The following ITGB6 variants were observed in gnomAD, a reference collection of about 807,000 sequenced individuals.
ITGB6 encodes the protein integrin subunit beta 6.
In ITGB6, 80 loss-of-function variants were observed where a neutral mutation model predicts 84.5. The observed-to-expected ratio is 0.95, with a 90% confidence interval of 0.79 to 1.14. The LOEUF (loss-of-function observed/expected upper bound fraction) is 1.14, where lower values mean the gene tolerates loss of function less well. ITGB6 is among the 50% of genes most tolerant of loss of function. The pLI, the probability that ITGB6 is intolerant of heterozygous loss-of-function variation, is 0.00. For missense variants in ITGB6, 1,006 were observed against 968.0 expected (o/e 1.04, Z -0.52); for synonymous variants, 383 against 354.9 (o/e 1.08, Z -0.89).
At chr2:160,103,416 T>G (rs970521871) in intron 14 of ITGB6, among the ~76,000 whole-genome samples, 6 of 152,166 alleles carry the variant, frequency 3.9e-5, no homozygotes, top group Non-Finnish European at 7.3e-5. Context: ...ATGCTATTTC[T>G]ATAATAAAGC....
intron 10 of ITGB6, among the ~76,000 whole-genome samples, chr2:160,127,549 C>T (rs972134336): frequency 1.3e-5 from 2 of 152,180 alleles, no homozygotes; most frequent in African/African-American, 4.8e-5. Flanking sequence ...CCCTAAAATG[C>T]ATAAAACCAA....
chr2:160,111,816 G>A, intron 13 of ITGB6, among the ~76,000 whole-genome samples: 1 of 152,016 alleles, frequency 6.6e-6, no homozygotes, highest in Non-Finnish European at 1.5e-5. Context: ...CTGACCTCAA[G>A]TGACCCACCC....
intron 4 of ITGB6, among the ~76,000 whole-genome samples, chr2:160,175,608 G>A (rs1487654523): frequency 6.6e-6 from 1 of 152,174 alleles, no homozygotes; most frequent in African/African-American, 2.4e-5. Flanking sequence ...ATGCTGAAAT[G>A]CTGTTTAGTG....
At chr2:160,141,433 C>A (rs1683995190) in intron 8 of ITGB6, among the ~76,000 whole-genome samples, 1 of 152,082 alleles carries the variant, frequency 6.6e-6, no homozygotes, top group Non-Finnish European at 1.5e-5. Flanking sequence ...TACTAATTCC[C>A]AAAGTCAAAA....
intron 7 of ITGB6, among the ~76,000 whole-genome samples, chr2:160,149,360 G>A (rs552792236): frequency 2.0e-5 from 3 of 152,106 alleles, no homozygotes; most frequent in African/African-American, 7.2e-5. Context: ...TGCAGCTGAG[G>A]GACATGACTG....
chr2:160,150,126 G>T (rs567709419), intron 7 of ITGB6, among the ~76,000 whole-genome samples: 1 of 152,236 alleles, frequency 6.6e-6, no homozygotes, highest in African/African-American at 2.4e-5. Flanking sequence ...GATACTCCTC[G>T]AGAAGGGAAA....
chr2:160,141,021 A>G (rs1335710479), intron 8 of ITGB6, among the ~76,000 whole-genome samples: 1 of 152,152 alleles, frequency 6.6e-6, no homozygotes, highest in Non-Finnish European at 1.5e-5. Flanking sequence ...GTTTTAGTTA[A>G]GGAATGCTGG....
intron 12 of ITGB6, among the ~76,000 whole-genome samples, chr2:160,119,582 A>T (rs1479127164): frequency 3.3e-5 from 5 of 152,080 alleles, no homozygotes; most frequent in Admixed American, 1.3e-4. Context: ...AACCTAGGCA[A>T]TACCATTCAG....
In ITGB6 at chr2:160,138,218, G is replaced by GAGTTC; in HGVS notation, c.1108-24_1108-20dup. ...GCAGTTCCTTTAGTTACAACATAAA[G>GAGTTC]AGTTCAGTGAAGTCACAACCCCAAA... On this transcript the variant is annotated intron_variant, in intron 8 of 14. Transcript: ENST00000283249. 6.4e-7 allele frequency: 1 copy of GAGTTC among 1,570,834 alleles called. No individual in the cohort carries two copies. The highest frequency in any genetic ancestry group is 8.6e-7 in the Non-Finnish European group (1 of 1,162,556).
intron 6 of ITGB6, among the ~76,000 whole-genome samples, chr2:160,172,026 T>C (rs1685224783): frequency 6.6e-6 from 1 of 152,240 alleles, no homozygotes; most frequent in Non-Finnish European, 1.5e-5. Context: ...AGATCATGCA[T>C]GTCCAAAGAG....
At chr2:160,177,805 C>A (rs1181235445) in intron 4 of ITGB6, among the ~76,000 whole-genome samples, 2 of 151,820 alleles carry the variant, frequency 1.3e-5, no homozygotes, top group Admixed American at 1.3e-4. Context: ...TCTTAATTGC[C>A]CTTAGAGCAC....
intron 4 of ITGB6, among the ~76,000 whole-genome samples, chr2:160,185,228 AC>A (rs1325046355): frequency 2.6e-5 from 4 of 152,128 alleles, no homozygotes; most frequent in Non-Finnish European, 5.9e-5. Context: ...TATTTAGAAA[AC>A]CCCATCATCT....
At chr2:160,126,292 C>T in intron 11 of ITGB6, 87 bp downstream of exon 11, 1 of 1,232,026 alleles carries the variant, frequency 8.1e-7, no homozygotes, top group Non-Finnish European at 1.2e-6. Flanking sequence ...CAAATACAAT[C>T]TGAGGTCTGA....
intron 4 of ITGB6, among the ~76,000 whole-genome samples, chr2:160,183,959 C>T (rs1285108628): frequency 2.6e-5 from 4 of 152,182 alleles, no homozygotes; most frequent in Non-Finnish European, 5.9e-5. Context: ...GTAGTAGAAT[C>T]TCTGAGACAC....
intron 14 of ITGB6, among the ~76,000 whole-genome samples, 194 bp downstream of exon 14, chr2:160,107,485 T>C (rs1236326462): frequency 6.6e-6 from 1 of 151,922 alleles, no homozygotes; most frequent in African/African-American, 2.4e-5. Flanking sequence ...CTAAGACAAA[T>C]ATAAGCTATG....
At chr2:160,168,081 C>G (rs1449040949) in intron 7 of ITGB6, among the ~76,000 whole-genome samples, 3 of 152,176 alleles carry the variant, frequency 2.0e-5, no homozygotes, top group Non-Finnish European at 4.4e-5. Context: ...TCAGGTGAAC[C>G]CACATGGGCT....
In ITGB6 at chr2:160,137,835, G is replaced by A; in HGVS notation, c.1259C>T (p.Thr420Ile). 6.2e-7 allele frequency: 1 copy of A among 1,613,738 alleles called. No individual in the cohort carries two copies. Among genetic ancestry groups the A allele is most frequent in the Non-Finnish European group, 8.5e-7 (1 of 1,179,692 alleles). The change falls in exon 10 of 15, where the codon ACT (threonine) becomes ATT (isoleucine). Residue 420 changes from threonine (T) to isoleucine (I), a missense_variant. Transcript: ENST00000283249. ...TCTCTCGCAGTGTGGGATATTCACA[G>A]TCACGCTGAAGGAAGCCTGGAAAAG... ...KVGDTASFSVTVNIPHCERRS... is the reference protein window; with the variant it reads ...KVGDTASFSVIVNIPHCERRS...
intron 12 of ITGB6, among the ~76,000 whole-genome samples, chr2:160,116,316 G>A (rs1270517803): frequency 3.1e-3 from 459 of 150,210 alleles, no homozygotes; most frequent in African/African-American, 0.011. Flanking sequence ...CTGATCTCTT[G>A]GCAGAAACTC....
rs927357647 is a variant in ITGB6, at chr2:160,199,914, A to G, written c.61+89T>C. On this transcript the variant is annotated intron_variant, in intron 1 of 14. Transcript: ENST00000283249. ...AAAGAGCAATGGAACAGATCAAATA[A>G]AACATGACTTCAGATCTAGTTTCTG... 15 of 1,010,388 alleles carry G rather than the reference A, an allele frequency of 1.5e-5. No individual in the cohort carries two copies. In the Admixed American group the frequency reaches 1.5e-4, roughly 10 times the overall value. 62.6% of individuals were successfully genotyped at this position (1,010,388 alleles called of 1,614,324 possible).
Sources: gnomAD v4.1 joint callset for allele counts (sites outside exome capture counted in the v4.1 genomes callset) on GRCh38, gnomAD v4.1.1 for gene constraint, MANE v1.5 for transcripts, NCBI Gene and HGNC (gene_info 2026-07-23, HGNC 2026-07-21) for gene names.